The following GAL variants were observed in gnomAD, a reference collection of about 807,000 sequenced individuals.
GAL encodes the protein galanin and GMAP prepropeptide, also known as galanin peptides.
Under a neutral mutation model 15.8 loss-of-function variants are expected in GAL, and 14 were observed. The observed-to-expected ratio is 0.89, with a 90% CI of 0.59 to 1.39. GAL has a LOEUF of 1.39. Ranked by LOEUF, GAL falls within the 40% of genes most tolerant of loss-of-function variation. The pLI is 0.00. For missense variants in GAL, 176 were observed against 170.4 expected (o/e 1.03, Z -0.18); for synonymous variants, 79 against 73.8 (o/e 1.07, Z -0.36).
rs1201868113 is a variant in GAL at position 68,684,916 on chromosome 11, C to T, written c.1-8C>T. ...TTCCGACCCGCCCGCCCTGTCCTTC[C>T]CTTCCAGATGGCCCGAGGCAGCGCC... is the stretch of plus-strand genomic sequence containing the variant. On this transcript the variant is annotated splice_polypyrimidine_tract_variant and splice_region_variant and intron_variant, in intron 1 of 5. Coordinates refer to ENST00000265643, the MANE Select transcript of GAL (RefSeq NM_015973.5). 2 of 1,595,304 alleles carry T rather than the reference C, an allele frequency of 1.3e-6. No homozygotes were observed. The highest frequency in any genetic ancestry group is 1.7e-6 in the Non-Finnish European group (2 of 1,167,152).
intron 5 of GAL, among the ~76,000 whole-genome samples, chr11:68,689,319 CT>C (rs966066234): frequency 2.0e-5 from 3 of 152,056 alleles, no homozygotes; most frequent in Non-Finnish European, 2.9e-5. Context: ...TCTTTTTTCT[CT>C]GTCTTTTCTT....
chr11:68,684,775 C>A (rs1945833179), intron 1 of GAL, 43 bp downstream of exon 1: 1 of 529,594 alleles, frequency 1.9e-6, no homozygotes, highest in South Asian at 2.5e-5. Flanking sequence ...CGGGAGGCCT[C>A]CCCTTCGGCT....
rs1346657952 is a variant in GAL at position 68,684,711 on chromosome 11, C to A, written c.-22C>A. On this transcript the variant is annotated 5_prime_UTR_variant, in exon 1 of 6. Transcript: ENST00000265643. ...GCACCCGGACCCCGACGCTCCGAAC[C>A]CGGGCGCAGCCGCAGCTCAAGGTAC... The A allele has an allele frequency of 2.8e-5, 12 of 425,294 alleles. No individual in the cohort carries two copies. The highest frequency in any genetic ancestry group is 6.1e-4 in the Middle Eastern group (1 of 1,642). 26.3% of individuals were successfully genotyped at this position (425,294 alleles called of 1,614,324 possible).
chr11:68,688,108 G>T lies in GAL; in HGVS notation c.223+8G>T, dbSNP rs768104636. Reference sequence around the variant, plus strand: ...AAGATGACATGAAACCAGGTGAGAGGACTCCTATCCCGGGCCCCGGGGCAC... The same window carrying T: ...AAGATGACATGAAACCAGGTGAGAGTACTCCTATCCCGGGCCCCGGGGCAC... On this transcript the variant is annotated splice_region_variant and intron_variant, in intron 4 of 5. Transcript: ENST00000265643. 4 of 1,584,168 alleles carry T rather than the reference G, an allele frequency of 2.5e-6. No individual in the cohort carries two copies. The East Asian group carries it at 8.9e-5, about 35-fold the overall frequency.
chr11:68,686,499 C>T (rs946944399), intron 3 of GAL, among the ~76,000 whole-genome samples: 1 of 152,218 alleles, frequency 6.6e-6, no homozygotes, highest in African/African-American at 2.4e-5. Flanking sequence ...TGCTCTTCTC[C>T]CCATGCCAAG....
chr11:68,685,051 G>T (rs528596322), intron 2 of GAL, 47 bp downstream of exon 2: 3 of 1,303,172 alleles, frequency 2.3e-6, no homozygotes, highest in Non-Finnish European at 3.3e-6. Context: ...CATCAGAGCC[G>T]GCCGGGCGTG....
intron 5 of GAL, 63 bp from the exon 6 acceptor site, chr11:68,690,854 G>T: frequency 9.6e-7 from 1 of 1,043,294 alleles, no homozygotes; most frequent in South Asian, 1.3e-5. Flanking sequence ...ATGTGTCGTG[G>T]TTGTAATTCT....
intron 1 of GAL, 36 bp downstream of exon 1, chr11:68,684,768 G>A: frequency 1.9e-6 from 1 of 523,648 alleles, no homozygotes. Flanking sequence ...GCGCCCCCGG[G>A]AGGCCTCCCC....
chr11:68,689,140 G>A (rs535428615), intron 5 of GAL, among the ~76,000 whole-genome samples: 11 of 152,238 alleles, frequency 7.2e-5, no homozygotes, highest in East Asian at 3.9e-4. Context: ...TTCTACCGTC[G>A]TGGAGGGCCA....
At chr11:68,688,199 G>A (rs1945872633) in intron 4 of GAL, 99 bp downstream of exon 4, 6 of 760,680 alleles carry the variant, frequency 7.9e-6, no homozygotes, top group East Asian at 5.0e-5. Context: ...GTCCACAGCT[G>A]CAGCCCAAGC....
rs1945879076 is a variant in GAL, at chr11:68,688,857, G to A, written c.232G>A (p.Asp78Asn). The change falls in exon 5 of 6, where the codon GAC becomes AAC. Residue 78 changes from aspartate (D) to asparagine (N), a missense_variant. Transcript: ENST00000265643. Reference sequence around the variant, plus strand: ...GATCTTTTCTCTTCTAGGAAGCTTTGACAGGTCCATACCTGAAAACAATAT... The same window carrying A: ...GATCTTTTCTCTTCTAGGAAGCTTTAACAGGTCCATACCTGAAAACAATAT... Reference protein sequence around the residue: ...PEDDMKPGSFDRSIPENNIMR... With the variant: ...PEDDMKPGSFNRSIPENNIMR... 6.5e-7 allele frequency: 1 copy of A among 1,532,738 alleles called. No homozygotes were observed. 94.9% of individuals were successfully genotyped at this position (1,532,738 alleles called of 1,614,324 possible).
chr11:68,685,749 G>C, intron 3 of GAL, 101 bp downstream of exon 3: 1 of 784,380 alleles, frequency 1.3e-6, no homozygotes, highest in Non-Finnish European at 2.2e-6. Context: ...CAGACCCTCT[G>C]GCCTCCCTCT....
intron 2 of GAL, 150 bp downstream of exon 2, chr11:68,685,154 G>A (rs1008325304): frequency 4.8e-6 from 3 of 620,474 alleles, no homozygotes; most frequent in Non-Finnish European, 8.6e-6. Flanking sequence ...CGGGCGTCGC[G>A]GGAAGGGTCC....
intron 5 of GAL, among the ~76,000 whole-genome samples, chr11:68,689,445 C>T (rs530949510): frequency 6.6e-5 from 10 of 151,520 alleles, no homozygotes; most frequent in African/African-American, 1.7e-4. Context: ...CGCCCAGGCT[C>T]GAATGTAGTG....
chr11:68,690,753 C>T (rs775819185), intron 5 of GAL, among the ~76,000 whole-genome samples, 164 bp from the exon 6 acceptor site: 8 of 152,140 alleles, frequency 5.3e-5, no homozygotes, highest in Non-Finnish European at 7.4e-5. Context: ...TAAATCATTA[C>T]GAAGTGAGGA....
intron 3 of GAL, among the ~76,000 whole-genome samples, chr11:68,687,752 C>T (rs1314439538): frequency 6.6e-6 from 1 of 152,184 alleles, no homozygotes; most frequent in Non-Finnish European, 1.5e-5. Flanking sequence ...CTCTCCCCCA[C>T]TTCAGGAGCC....
intron 5 of GAL, 54 bp downstream of exon 5, chr11:68,688,980 A>C: frequency 1.1e-6 from 1 of 874,978 alleles, no homozygotes; most frequent in Admixed American, 1.8e-5. Flanking sequence ...TGGAAACGTA[A>C]AAGGCCCATC....
chr11:68,684,829 G>T, intron 1 of GAL, 95 bp from the exon 2 acceptor site: 2 of 732,374 alleles, frequency 2.7e-6, no homozygotes, highest in Non-Finnish European at 2.3e-6. Flanking sequence ...TGGCCCGGCC[G>T]CCGCCTCTGC....
At position 68,688,086 on chromosome 11, in the gene GAL, A is replaced by G. The variant is rs559222894; in HGVS notation, c.209A>G (p.Asp70Gly). ...AGCAAGCGGGAGCTGCGGCCCGAAG[A>G]TGACATGAAACCAGGTGAGAGGACT... ...LTSKRELRPE[D>G]DMKPGSFDRS... The change falls in exon 4 of 6, where the codon GAT becomes GGT. Residue 70 changes from aspartate to glycine, a missense_variant. Transcript: ENST00000265643. 3.1e-6 allele frequency: 5 copies of G among 1,609,790 alleles called. No homozygotes were observed. In the East Asian group the frequency reaches 6.7e-5, roughly 22 times the overall value.
Sources: allele counts gnomAD v4.1 joint callset (sites outside exome capture counted in the v4.1 genomes callset), GRCh38; gene constraint gnomAD v4.1.1; transcripts MANE v1.5; gene names NCBI Gene and HGNC (gene_info 2026-07-23, HGNC 2026-07-21).